The following UBR4 variants were observed in gnomAD, a reference collection of about 807,000 sequenced individuals.
The protein encoded by UBR4 is ubiquitin protein ligase E3 component n-recognin 4, also known as E3 ubiquitin-protein ligase UBR4.
In UBR4, 124 loss-of-function variants were observed where a neutral mutation model predicts 575.6. That is an observed-to-expected ratio of 0.22 (90% CI 0.19 to 0.25). The LOEUF is 0.25. Among genes scored for constraint, UBR4 ranks in the 10% least tolerant of loss-of-function variants. The pLI, the probability that UBR4 is intolerant of heterozygous loss-of-function variation, is 1.00. For synonymous variants in UBR4, 2,455 were observed against 2,473.7 expected, an observed-to-expected ratio of 0.99 and a Z score of 0.22; for missense variants, 4,818 against 6,478.8, an observed-to-expected ratio of 0.74 and a Z score of 8.80.
At chr1:19,104,015 T>C in intron 87 of UBR4, 69 bp downstream of exon 87, 1 of 1,547,280 alleles carries the variant, frequency 6.5e-7, no homozygotes, top group Non-Finnish European at 8.8e-7. Context: ...TGGGGGAAAT[T>C]GGTCGAATGC....
At chr1:19,171,678 T>C (rs1263554757) in intron 25 of UBR4, among the ~76,000 whole-genome samples, 1 of 152,018 alleles carries the variant, frequency 6.6e-6, no homozygotes, top group African/African-American at 2.4e-5. Context: ...CCATTTCTAC[T>C]GAAAATACAA....
chr1:19,127,460 G>A (rs981241093), intron 63 of UBR4, among the ~76,000 whole-genome samples, 163 bp downstream of exon 63: 3 of 152,156 alleles, frequency 2.0e-5, no homozygotes, highest in Non-Finnish European at 2.9e-5. Context: ...TTCGGGAAAA[G>A]GTGGAGGTTC....
chr1:19,076,947 T>C, intron 104 of UBR4, 45 bp from the exon 105 acceptor site: 2 of 1,518,048 alleles, frequency 1.3e-6, no homozygotes, highest in Non-Finnish European at 1.8e-6. Flanking sequence ...GACTTACTGC[T>C]GCCTCATCTT....
rs2077245328 is a variant in UBR4 at position 19,088,719 on chromosome 1, G to C, written c.14430+40C>G. 1 of 1,604,824 alleles carries C rather than the reference G, an allele frequency of 6.2e-7. No homozygotes were observed. The highest frequency in any genetic ancestry group is 8.5e-7 in the Non-Finnish European group (1 of 1,173,728). On this transcript the variant is annotated intron_variant, in intron 98 of 105. Coordinates refer to ENST00000375254, the MANE Select transcript of UBR4 (RefSeq NM_020765.3). The surrounding 1 kb of genome is among the most constrained non-coding windows in gnomAD (Gnocchi z 4.0). ...TCCCATGGCCACCTCCTCATCAACA[G>C]TGTGGGCAGAAATATGGGGACTCTA...
Position 19,186,676 on chromosome 1 carries a change from C to G in UBR4, c.1633-19G>C, listed in dbSNP as rs754130868. 7.4e-6 allele frequency: 12 copies of G among 1,610,996 alleles called. No individual in the cohort carries two copies. The highest frequency in any genetic ancestry group is 1.0e-5 in the Non-Finnish European group (12 of 1,177,394). ...CACATGCCTAGGAAAATGACAATTACAAAACCGGAGCCATCCTATTTAATC... is the reference window on the plus strand; with the variant it reads ...CACATGCCTAGGAAAATGACAATTAGAAAACCGGAGCCATCCTATTTAATC... On this transcript the variant is annotated intron_variant, in intron 13 of 105. Coordinates refer to ENST00000375254, the MANE Select transcript of UBR4 (RefSeq NM_020765.3).
At position 19,110,549 on chromosome 1, in the gene UBR4, A is replaced by T; in HGVS notation, c.11893-85T>A. The T allele has an allele frequency of 6.8e-7, 1 of 1,467,018 alleles. No individual in the cohort carries two copies. The highest frequency in any genetic ancestry group is 9.4e-7 in the Non-Finnish European group (1 of 1,058,278). 90.9% of individuals were successfully genotyped at this position (1,467,018 alleles called of 1,614,324 possible). ...AACTATTAATACAATTTCTGGTCCT[A>T]GGTGGCTCCAACAGAGACAAAGGAC... On this transcript the variant is annotated intron_variant, in intron 79 of 105. Coordinates refer to ENST00000375254, the MANE Select transcript of UBR4 (RefSeq NM_020765.3). This position sits in a 1 kb window ranked among gnomAD's most constrained non-coding sequence, Gnocchi z 4.5.
rs1263214701 is a variant in UBR4, at chr1:19,199,540, G to C, written c.378+111C>G. The C allele has an allele frequency of 7.6e-6, 7 of 920,736 alleles. No homozygotes were observed. The African/African-American group carries it at 1.2e-4, about 15-fold the overall frequency. The allele number at this position is 920,736 out of a possible 1,614,324, so 57.0% of individuals were successfully genotyped here. ...AACAGATAACATACAGCCTGCAAAT[G>C]ATTTCCTATCTGGCCTATTACAGAA... On this transcript the variant is annotated intron_variant, in intron 3 of 105. Transcript: ENST00000375254.
chr1:19,106,694 A>G lies in UBR4; in HGVS notation c.12268T>C (p.Ser4090Pro), dbSNP rs780182221. The G allele has an allele frequency of 1.2e-6, 2 of 1,606,430 alleles. No individual in the cohort carries two copies. Among genetic ancestry groups the G allele is most frequent in the South Asian group, 2.2e-5 (2 of 89,886 alleles). ...IDGNGKAPSK[S>P]ELRHLYLTEK... is the part of the protein sequence containing the mutation. ...GTCAAATAGAGATGGCGGAGCTCTG[A>G]TTTGCTGGGGGCTTTCCCATTGCCA... is the stretch of plus-strand genomic sequence containing the variant. The change falls in exon 83 of 106, where the codon TCA (serine) becomes CCA (proline). Residue 4090 changes from serine (S) to proline (P), a missense_variant. Around this residue, in one of 29 missense-constraint regions of UBR4, gnomAD observed 178 missense variants for 175.5 expected, o/e 1.01. Transcript: ENST00000375254.
intron 83 of UBR4, 25 bp from the exon 84 acceptor site, chr1:19,105,867 T>C: frequency 6.6e-7 from 1 of 1,526,478 alleles, no homozygotes; most frequent in Non-Finnish European, 8.8e-7. Context: ...AGAGAAGGGG[T>C]CGTAGACTCA....
chr1:19,169,582 C>A, intron 26 of UBR4, 50 bp from the exon 27 acceptor site: 1 of 1,532,202 alleles, frequency 6.5e-7, no homozygotes, highest in Non-Finnish European at 8.9e-7. Flanking sequence ...GAAGGAACGA[C>A]ACAGAGCATT....
chr1:19,173,228 A>T lies in UBR4; in HGVS notation c.3244T>A (p.Ser1082Thr), dbSNP rs746091810. Residue 1082 changes from serine (S) to threonine (T), a missense_variant, in exon 24 of 106, where the codon TCA becomes ACA. By Grantham distance (58) the Ser-to-Thr change is moderately conservative. Transcript: ENST00000375254. ...LELASTTKCS[S>T]VKYDVEIVEE... The stretch of plus-strand genomic sequence containing the variant: ...ACTATTTCAACATCATATTTCACTG[A>T]GCTACACTTAGTGGTGGATGCCAGT... 1 of 1,614,208 alleles carries T rather than the reference A, an allele frequency of 6.2e-7. No homozygotes were observed. Among genetic ancestry groups the T allele is most frequent in the Non-Finnish European group, 8.5e-7 (1 of 1,180,042 alleles).
chr1:19,104,239 A>G lies in UBR4; in HGVS notation c.12746T>C (p.Val4249Ala). ...KSLTGLLSSF[V>A]EVESIKRHFK... ...ATGTCTTTTGATGGATTCCACCTCA[A>G]CAAAGGAGGAGAGAAGGCCTGTGGA... The change falls in exon 87 of 106, where the codon GTT becomes GCT. Residue 4249 changes from valine to alanine, a missense_variant. Physicochemically the swap from Val to Ala is moderately conservative, Grantham distance 64 (BLOSUM62 0). Coordinates refer to ENST00000375254, the MANE Select transcript of UBR4 (RefSeq NM_020765.3). The G allele has an allele frequency of 6.2e-7, 1 of 1,614,236 alleles. No individual in the cohort carries two copies. The highest frequency in any genetic ancestry group is 8.5e-7 in the Non-Finnish European group (1 of 1,180,034).
Position 19,173,207 on chromosome 1 carries a change from T to C in UBR4, c.3265A>G (p.Ile1089Val), listed in dbSNP as rs777726869. 1 of 1,614,222 alleles carries C rather than the reference T, an allele frequency of 6.2e-7. No individual in the cohort carries two copies. The highest frequency in any genetic ancestry group is 8.5e-7 in the Non-Finnish European group (1 of 1,180,034). Residue 1089 changes from isoleucine (I) to valine (V), a missense_variant, in exon 24 of 106, where the codon ATA (isoleucine) becomes GTA (valine). Coordinates refer to ENST00000375254, the MANE Select transcript of UBR4 (RefSeq NM_020765.3). ...TGTCGAGCGAAGTATTCCTCTACTA[T>C]TTCAACATCATATTTCACTGAGCTA... ...KCSSVKYDVE[I>V]VEEYFARQIS...
chr1:19,123,735 T>C (rs1405877303), intron 65 of UBR4, among the ~76,000 whole-genome samples: 1 of 152,178 alleles, frequency 6.6e-6, no homozygotes, highest in Non-Finnish European at 1.5e-5. Context: ...AAGAGAAGAT[T>C]GGGTTGGTAC....
At chr1:19,168,471 G>A (rs2088892490) in intron 27 of UBR4, among the ~76,000 whole-genome samples, 1 of 152,092 alleles carries the variant, frequency 6.6e-6, no homozygotes, top group East Asian at 1.9e-4. Flanking sequence ...TAAAACTATT[G>A]TTTGTCTATA....
Position 19,169,483 on chromosome 1 carries a change from C to T in UBR4, c.3693G>A (p.Glu1231=). The T allele has an allele frequency of 6.2e-7, 1 of 1,614,012 alleles. No individual in the cohort carries two copies. The highest frequency in any genetic ancestry group is 8.5e-7 in the Non-Finnish European group (1 of 1,179,984). The change falls in exon 27 of 106, where the codon GAG becomes GAA. Residue 1231 remains glutamate (E), a synonymous_variant. Transcript: ENST00000375254. ...CATTGGTATTGATGTTGTTCCAGGACTCACACACAGTCTGCACTGACGATG... is the reference window on the plus strand; with the variant it reads ...CATTGGTATTGATGTTGTTCCAGGATTCACACACAGTCTGCACTGACGATG... ...NLPSSVQTVC[E]SWNNINTNEF...
chr1:19,155,613 C>T lies in UBR4; in HGVS notation c.6128G>A (p.Ser2043Asn), dbSNP rs1365216793. ...LSPTFYFLLP[S>N]SKIRDVTFLF... Reference sequence around the variant, plus strand: ...GAAGGTAACATCTCTTATCTTTGAGCTTGGCAGGAGAAAATAGAAGGTTGG... The same window carrying T: ...GAAGGTAACATCTCTTATCTTTGAGTTTGGCAGGAGAAAATAGAAGGTTGG... Residue 2043 changes from serine (S) to asparagine (N), a missense_variant, in exon 43 of 106, where the codon AGC becomes AAC. Ser to Asn is a conservative substitution (Grantham distance 46). Coordinates refer to ENST00000375254, the MANE Select transcript of UBR4 (RefSeq NM_020765.3). 1.2e-6 allele frequency: 2 copies of T among 1,614,142 alleles called. No homozygotes were observed. Among genetic ancestry groups the T allele is most frequent in the Non-Finnish European group, 1.7e-6 (2 of 1,180,022 alleles).
intron 60 of UBR4, among the ~76,000 whole-genome samples, chr1:19,131,729 C>T (rs1355032024): frequency 2.6e-5 from 4 of 152,070 alleles, no homozygotes; most frequent in South Asian, 2.1e-4. Context: ...CAAAATTAGC[C>T]GGGCGTGGTC....
At chr1:19,204,220 T>C (rs978720978) in intron 1 of UBR4, among the ~76,000 whole-genome samples, 2 of 152,248 alleles carry the variant, frequency 1.3e-5, no homozygotes, top group African/African-American at 4.8e-5. Flanking sequence ...GTCAGGCTGG[T>C]CTCAAACTCC....
Sources: gnomAD v4.1 joint callset for allele counts (sites outside exome capture counted in the v4.1 genomes callset) on GRCh38, gnomAD v4.1.1 for gene constraint, gnomAD v4.1.1 regional missense constraint, Gnocchi (gnomAD v3.1) non-coding constraint, MANE v1.5 for transcripts, NCBI Gene and HGNC (gene_info 2026-07-23, HGNC 2026-07-21) for gene names.